The following DNAJC27 variants were observed in gnomAD, a reference collection of about 807,000 sequenced individuals.
DNAJC27 encodes the protein dnaJ homolog subfamily C member 27.
A neutral mutation model predicts 31.4 loss-of-function variants in DNAJC27; 25 were observed. The ratio of observed to expected loss-of-function variants is 0.80; its 90% CI spans 0.58 to 1.11. The LOEUF (loss-of-function observed/expected upper bound fraction) is 1.11, where lower values mean the gene tolerates loss of function less well. DNAJC27 is among the 50% of genes most tolerant of loss of function. The probability of loss-of-function intolerance (pLI) is 0.00; values close to 1 mark genes in which losing one functional copy is unlikely to be tolerated. For missense variants in DNAJC27, 356 were observed against 347.3 expected (o/e 1.02, Z -0.20); for synonymous variants, 106 against 112.7 (o/e 0.94, Z 0.37).
At chr2:24,956,176 A>G (rs1665899188) in intron 5 of DNAJC27, among the ~76,000 whole-genome samples, 1 of 152,234 alleles carries the variant, frequency 6.6e-6, no homozygotes, top group African/African-American at 2.4e-5. Context: ...ATTAAGTACA[A>G]TCCCACTCAA....
intron 6 of DNAJC27, among the ~76,000 whole-genome samples, chr2:24,949,277 C>G (rs933684096): frequency 6.6e-6 from 1 of 152,204 alleles, no homozygotes; most frequent in African/African-American, 2.4e-5. Context: ...CCCAAAGACC[C>G]CGTGTCCTTG....
In DNAJC27 at chr2:24,963,395, G is replaced by T. The variant is rs748761795; in HGVS notation, c.240+10C>A. On this transcript the variant is annotated intron_variant, in intron 3 of 6. Transcript: ENST00000264711. ...ACTGGATATAGGTTTTGTCAAAAAG[G>T]CTTTCTTACCTCATAGAAGAAGGGA... is the stretch of plus-strand genomic sequence containing the variant. 6.2e-7 allele frequency: 1 copy of T among 1,610,538 alleles called. No individual in the cohort carries two copies.
At chr2:24,951,322 T>A (rs1191928173) in intron 6 of DNAJC27, 72 bp downstream of exon 6, 1 of 1,443,150 alleles carries the variant, frequency 6.9e-7, no homozygotes, top group Non-Finnish European at 9.4e-7. Context: ...GAAGATATAC[T>A]GCACCTATAA....
chr2:24,950,934 A>G (rs1414552031), intron 6 of DNAJC27, among the ~76,000 whole-genome samples: 1 of 152,160 alleles, frequency 6.6e-6, no homozygotes, highest in Non-Finnish European at 1.5e-5. Context: ...AGAGACAGTC[A>G]AACATACAGT....
rs190483406 is a variant in DNAJC27 at position 24,967,265 on chromosome 2, T to C, written c.116A>G (p.Lys39Arg). 1 of 1,613,784 alleles carries C rather than the reference T, an allele frequency of 6.2e-7. No homozygotes were observed. Among genetic ancestry groups the C allele is most frequent in the African/African-American group, 1.3e-5 (1 of 74,990 alleles). ...TGCCAGGTATTTAGACACGAATCTT[T>C]TCTCACAGTATCGCTTTATAATACA... ...KSCIIKRYCE[K>R]RFVSKYLATI... The change falls in exon 2 of 7, where the codon AAA becomes AGA. Residue 39 changes from lysine (K) to arginine (R), a missense_variant. By Grantham distance (26) the Lys-to-Arg change is conservative. Transcript: ENST00000264711.
At chr2:24,970,607 G>A (rs1318216969) in intron 1 of DNAJC27, among the ~76,000 whole-genome samples, 6 of 151,244 alleles carry the variant, frequency 4.0e-5, no homozygotes, top group African/African-American at 1.2e-4. Context: ...TGGGATTAAA[G>A]GCGTGCACCA....
At chr2:24,967,111 T>C in intron 2 of DNAJC27, 100 bp downstream of exon 2, 1 of 864,206 alleles carries the variant, frequency 1.2e-6, no homozygotes, top group South Asian at 1.6e-5. Context: ...AGTCTCCATT[T>C]CAAGATTACC....
At chr2:24,958,571 A>G (rs1313969092) in intron 3 of DNAJC27, 1 of 425,452 alleles carries the variant, frequency 2.4e-6, no homozygotes. Context: ...TGGGCAAGTC[A>G]CTTAACCTCT....
chr2:24,961,047 T>A (rs1393960207), intron 3 of DNAJC27, among the ~76,000 whole-genome samples: 1 of 152,170 alleles, frequency 6.6e-6, no homozygotes, highest in East Asian at 1.9e-4. Context: ...AGAGGAAAAG[T>A]CGATGCCTGG....
At chr2:24,952,327 T>C (rs1271124535) in intron 5 of DNAJC27, among the ~76,000 whole-genome samples, 1 of 152,210 alleles carries the variant, frequency 6.6e-6, no homozygotes, top group East Asian at 1.9e-4. Context: ...TCTTTCAACA[T>C]GTACTAAAGG....
At chr2:24,967,314 G>A (rs750154155) in intron 1 of DNAJC27, 21 bp from the exon 2 acceptor site, 10 of 1,503,832 alleles carry the variant, frequency 6.6e-6, no homozygotes, top group South Asian at 2.3e-5. Context: ...AAAAAATACA[G>A]GCATTTAGTA....
At chr2:24,967,083 T>A in intron 2 of DNAJC27, 128 bp downstream of exon 2, 1 of 707,420 alleles carries the variant, frequency 1.4e-6, no homozygotes, top group Admixed American at 2.5e-5. Flanking sequence ...ATTCCTATCT[T>A]TCCCAACTTA....
chr2:24,955,113 G>A (rs542448084), intron 5 of DNAJC27, among the ~76,000 whole-genome samples: 1 of 152,306 alleles, frequency 6.6e-6, no homozygotes, highest in African/African-American at 2.4e-5. Context: ...ACCCAAGATG[G>A]TTCAAATGTT....
chr2:24,966,703 C>T lies in DNAJC27; in HGVS notation c.170+508G>A, dbSNP rs796652435. On this transcript the variant is annotated intron_variant, in intron 2 of 6. Coordinates refer to ENST00000264711, the MANE Select transcript of DNAJC27 (RefSeq NM_016544.3). ...TGAACTCCTGACCTCGTTATCCGCCCGTCTCGGCCTCCCAACGTGCTGGGA... is the reference window on the plus strand; with the variant it reads ...TGAACTCCTGACCTCGTTATCCGCCTGTCTCGGCCTCCCAACGTGCTGGGA... Among the ~76,000 whole-genome samples, 28 of 152,238 alleles carry T rather than the reference C, an allele frequency of 1.8e-4. 1 individual carries two copies. Among genetic ancestry groups the T allele is most frequent in the African/African-American group, 6.5e-4 (27 of 41,532 alleles).
At chr2:24,948,154 A>G (rs994525458) in intron 6 of DNAJC27, among the ~76,000 whole-genome samples, 4 of 151,994 alleles carry the variant, frequency 2.6e-5, no homozygotes, top group African/African-American at 9.7e-5. Context: ...AGTGGCCTGG[A>G]ATGGAGCCCG....
chr2:24,969,496 T>G, intron 1 of DNAJC27: 1 of 171,490 alleles, frequency 5.8e-6, no homozygotes, highest in Non-Finnish European at 1.3e-5. Context: ...TTTTTTTTTC[T>G]TTTTAGAGTC....
At chr2:24,958,822 A>AG (rs1483511391) in intron 3 of DNAJC27, among the ~76,000 whole-genome samples, 1 of 152,220 alleles carries the variant, frequency 6.6e-6, no homozygotes, top group African/African-American at 2.4e-5. Flanking sequence ...GAAGTTAAGG[A>AG]GCAGCATTGA....
intron 5 of DNAJC27, among the ~76,000 whole-genome samples, chr2:24,952,368 T>C (rs903694340): frequency 3.3e-5 from 5 of 152,186 alleles, no homozygotes; most frequent in African/African-American, 4.8e-5. Flanking sequence ...TAGCACCTTG[T>C]ATTTTTTTCC....
intron 6 of DNAJC27, among the ~76,000 whole-genome samples, chr2:24,950,929 C>G (rs367910588): frequency 9.0e-4 from 137 of 151,956 alleles, no homozygotes; most frequent in Middle Eastern, 3.4e-3. Context: ...AAGACAGAGA[C>G]AGTCAAACAT....
Sources: allele counts gnomAD v4.1 joint callset (sites outside exome capture counted in the v4.1 genomes callset), GRCh38; gene constraint gnomAD v4.1.1; transcripts MANE v1.5; gene names NCBI Gene and HGNC (gene_info 2026-07-23, HGNC 2026-07-21).